The following ROBO2 variants were observed in gnomAD, a reference collection of about 807,000 sequenced individuals.
The protein encoded by ROBO2 is roundabout guidance receptor 2, also known as roundabout homolog 2.
In ROBO2, 53 loss-of-function variants were observed where a neutral mutation model predicts 160.8. That is an observed-to-expected ratio of 0.33 (90% CI 0.26 to 0.41). ROBO2 has a LOEUF of 0.41. ROBO2 is among the 10% of genes least tolerant of loss of function. The probability of loss-of-function intolerance (pLI) is 1.00; values close to 1 mark genes in which losing one functional copy is unlikely to be tolerated. For synonymous variants in ROBO2, 664 were observed against 611.7 expected (o/e 1.09, Z -1.26); for missense variants, 1,577 against 1,722.4 (o/e 0.92, Z 1.49).
intron 2 of ROBO2, among the ~76,000 whole-genome samples, chr3:76,974,232 C>T (rs1052909940): frequency 6.6e-6 from 1 of 152,148 alleles, no homozygotes; most frequent in African/African-American, 2.4e-5. Context: ...TTCTAATAAA[C>T]AGCCTTGATA....
Position 77,621,981 on chromosome 3 carries a change from A to AT in ROBO2, c.3555-237dup, listed in dbSNP as rs1175907610. Among the ~76,000 whole-genome samples, 9 of 151,148 alleles carry AT rather than the reference A, an allele frequency of 6.0e-5. No homozygotes were observed. The East Asian group carries it at 7.8e-4, about 13-fold the overall frequency. On this transcript the variant is annotated intron_variant, in intron 22 of 25. Transcript: ENST00000461745. Reference sequence around the variant, plus strand: ...CTTTTCACAAAAATACTGGGCCCGTATTTTTTTTTCTCCGTGTGTTATCCT... The same window carrying AT: ...CTTTTCACAAAAATACTGGGCCCGTATTTTTTTTTTCTCCGTGTGTTATCCT...
intron 2 of ROBO2, among the ~76,000 whole-genome samples, chr3:76,619,817 T>C (rs1419190757): frequency 6.6e-6 from 1 of 152,188 alleles, no homozygotes; most frequent in East Asian, 1.9e-4. Context: ...TAACATCACT[T>C]TGAGCTTTCA....
chr3:77,145,265 G>A (rs1405653931), intron 2 of ROBO2, among the ~76,000 whole-genome samples: 1 of 152,022 alleles, frequency 6.6e-6, no homozygotes, highest in African/African-American at 2.4e-5. Flanking sequence ...CCTTAAAAAA[G>A]TATTAAAATT....
chr3:76,800,310 G>T (rs1455386559), intron 2 of ROBO2, among the ~76,000 whole-genome samples: 1 of 152,152 alleles, frequency 6.6e-6, no homozygotes, highest in East Asian at 1.9e-4. Context: ...ATTGGCCTAG[G>T]CAAAGATTTC....
At chr3:76,695,346 A>G (rs190011770) in intron 2 of ROBO2, among the ~76,000 whole-genome samples, 1 of 152,096 alleles carries the variant, frequency 6.6e-6, no homozygotes. Flanking sequence ...AGATAAACAC[A>G]CTAAAATTGT....
At chr3:76,683,613 C>G in intron 2 of ROBO2, among the ~76,000 whole-genome samples, 1 of 152,090 alleles carries the variant, frequency 6.6e-6, no homozygotes, top group East Asian at 1.9e-4. Context: ...TCTATAATCT[C>G]ATGTAACTAG....
At chr3:76,784,645 C>T (rs1008815438) in intron 2 of ROBO2, among the ~76,000 whole-genome samples, 1 of 151,082 alleles carries the variant, frequency 6.6e-6, no homozygotes, top group African/African-American at 2.4e-5. Flanking sequence ...ATGCTTGGGG[C>T]ATTCCTTGAT....
At chr3:77,365,150 GAAAAA>G (rs142131118) in intron 2 of ROBO2, among the ~76,000 whole-genome samples, 2 of 134,348 alleles carry the variant, frequency 1.5e-5, no homozygotes. Context: ...TCCATCTCAG[GAAAAA>G]AAAAAAAAAA....
chr3:76,330,426 C>G (rs559977036), intron 2 of ROBO2, among the ~76,000 whole-genome samples: 1 of 152,246 alleles, frequency 6.6e-6, no homozygotes, highest in South Asian at 2.1e-4. Flanking sequence ...TTCAAATACA[C>G]TATTTTTATT....
At chr3:76,626,226 T>C (rs945470550) in intron 2 of ROBO2, among the ~76,000 whole-genome samples, 1 of 152,112 alleles carries the variant, frequency 6.6e-6, no homozygotes, top group Non-Finnish European at 1.5e-5. Context: ...GAGTCAGGGT[T>C]TTAGATGTTA....
chr3:76,667,835 C>T (rs11720628), intron 2 of ROBO2, among the ~76,000 whole-genome samples: 41,326 of 151,634 alleles, frequency 0.27, 6,216 homozygotes, highest in East Asian at 0.52. Flanking sequence ...TACATAAAAA[C>T]GACTGTAGTT....
intron 2 of ROBO2, among the ~76,000 whole-genome samples, chr3:77,402,325 C>T (rs2153513247): frequency 6.6e-6 from 1 of 152,044 alleles, no homozygotes; most frequent in South Asian, 2.1e-4. Context: ...AGGAGAAATA[C>T]CTAATGTAGG....
At chr3:76,776,219 T>C (rs1161256605) in intron 2 of ROBO2, among the ~76,000 whole-genome samples, 4 of 150,922 alleles carry the variant, frequency 2.7e-5, no homozygotes. Flanking sequence ...AGTTAAAAAC[T>C]ATCTTAGCAA....
At chr3:77,465,100 C>T (rs1421799022) in intron 2 of ROBO2, among the ~76,000 whole-genome samples, 2 of 151,642 alleles carry the variant, frequency 1.3e-5, no homozygotes, top group South Asian at 2.1e-4. Flanking sequence ...TCAAGAGTAC[C>T]GAGAAAACAA....
At chr3:77,474,079 T>C (rs1410890141) in intron 2 of ROBO2, among the ~76,000 whole-genome samples, 2 of 152,114 alleles carry the variant, frequency 1.3e-5, no homozygotes, top group African/African-American at 4.8e-5. Context: ...TCAAATGATA[T>C]CGCAGAAAGG....
intron 2 of ROBO2, among the ~76,000 whole-genome samples, chr3:76,570,537 A>G (rs957071115): frequency 1.3e-5 from 2 of 152,242 alleles, no homozygotes; most frequent in African/African-American, 4.8e-5. Context: ...ATCTTTTAAA[A>G]TAAAATCAAT....
intron 2 of ROBO2, among the ~76,000 whole-genome samples, chr3:76,553,594 G>A (rs535111268): frequency 3.9e-5 from 6 of 152,238 alleles, no homozygotes; most frequent in East Asian, 1.9e-4. Flanking sequence ...AAATGAAAAT[G>A]TTAAAATCAT....
chr3:77,632,738 C>T, intron 23 of ROBO2: 1 of 1,241,630 alleles, frequency 8.1e-7, no homozygotes. Context: ...GTTCTTTCTC[C>T]TTAGTGAGTC....
At chr3:77,602,279 G>A in exon 20 of ROBO2, 1 of 1,614,162 alleles carries the variant, frequency 6.2e-7, no homozygotes, top group Non-Finnish European at 8.5e-7. Context: ...GCCATTTATA[G>A]TAGCATTGAC....
Sources: gnomAD v4.1 joint callset for allele counts (sites outside exome capture counted in the v4.1 genomes callset) on GRCh38, gnomAD v4.1.1 for gene constraint, MANE v1.5 for transcripts, NCBI Gene and HGNC (gene_info 2026-07-23, HGNC 2026-07-21) for gene names.